ERC2: variants seen among roughly 807,000 people sequenced by gnomAD.
ERC2 encodes ERC protein 2.
A neutral mutation model predicts 114.8 loss-of-function variants in ERC2; 42 were observed. That is an observed-to-expected ratio of 0.37 (90% CI 0.29 to 0.47). The LOEUF is 0.47. Ranked by LOEUF, ERC2 falls within the 20% of genes least tolerant of loss-of-function variation. The pLI is 0.99. For synonymous variants in ERC2, 454 were observed against 425.5 expected (o/e 1.07, Z -0.82); for missense variants, 939 against 1,150.7 (o/e 0.82, Z 2.66).
chr3:56,318,546 G>T (rs1051811262), intron 2 of ERC2, among the ~76,000 whole-genome samples: 1 of 150,656 alleles, frequency 6.6e-6, no homozygotes, highest in South Asian at 2.1e-4. Flanking sequence ...CTGATAAGGG[G>T]TTAATATCAA....
chr3:56,404,020 G>C (rs1050063002), intron 2 of ERC2, among the ~76,000 whole-genome samples: 1 of 152,342 alleles, frequency 6.6e-6, no homozygotes, highest in Non-Finnish European at 1.5e-5. Context: ...TAATAAACTT[G>C]TGATCAGCAG....
At chr3:55,996,685 C>A (rs2071540735) in intron 10 of ERC2, among the ~76,000 whole-genome samples, 1 of 152,148 alleles carries the variant, frequency 6.6e-6, no homozygotes, top group Non-Finnish European at 1.5e-5. Context: ...TCTGGAGTCT[C>A]ACTGATGTGG....
chr3:56,194,720 G>A (rs897036227), intron 3 of ERC2, among the ~76,000 whole-genome samples: 2 of 152,100 alleles, frequency 1.3e-5, no homozygotes, highest in Non-Finnish European at 2.9e-5. Context: ...TAGGGGATAG[G>A]AATTTTTCAG....
At chr3:55,881,628 T>C (rs1270127333) in intron 14 of ERC2, among the ~76,000 whole-genome samples, 1 of 152,174 alleles carries the variant, frequency 6.6e-6, no homozygotes, top group Non-Finnish European at 1.5e-5. Flanking sequence ...TTTTAAGTAC[T>C]GTATCTCATG....
intron 7 of ERC2, among the ~76,000 whole-genome samples, chr3:56,031,688 TCATAA>T (rs2074388613): frequency 6.6e-6 from 1 of 152,084 alleles, no homozygotes; most frequent in East Asian, 1.9e-4. Context: ...GGCAAACAAT[TCATAA>T]CAATCATCTT....
chr3:56,092,687 A>G (rs1385262236), intron 6 of ERC2, among the ~76,000 whole-genome samples: 3 of 152,222 alleles, frequency 2.0e-5, no homozygotes, highest in Non-Finnish European at 4.4e-5. Context: ...ACATGATGAT[A>G]GTTATAAATT....
chr3:55,749,262 G>A (rs767072351), intron 14 of ERC2, among the ~76,000 whole-genome samples: 3 of 152,148 alleles, frequency 2.0e-5, no homozygotes, highest in African/African-American at 4.8e-5. Context: ...CTGCAATACC[G>A]ATCTGTTGAA....
chr3:55,859,858 G>C (rs1409095844), intron 14 of ERC2, among the ~76,000 whole-genome samples: 1 of 151,946 alleles, frequency 6.6e-6, no homozygotes, highest in Non-Finnish European at 1.5e-5. Flanking sequence ...GACAAACCAG[G>C]GGGATGACAC....
chr3:55,714,671 A>ATG (rs2063992515), intron 15 of ERC2, among the ~76,000 whole-genome samples: 2 of 5,830 alleles, frequency 3.4e-4, no homozygotes, highest in Non-Finnish European at 6.8e-4. Context: ...GTGTGTGTAT[A>ATG]TATATATATA....
rs75908216 is a variant in ERC2 at position 56,168,038 on chromosome 3, G to A, written c.1149+5408C>T. Among the ~76,000 whole-genome samples the A allele has an allele frequency of 1.7e-4, 26 of 152,218 alleles. No individual in the cohort carries two copies. In the East Asian group the frequency reaches 5.0e-3, roughly 29 times the overall value. On this transcript the variant is annotated intron_variant, in intron 4 of 17. Transcript: ENST00000288221. ...CAAAGTAAATGTTGAAAGAAAAAAC[G>A]TTTGAACCTTTGGGCTATCTTTAGA... is the stretch of plus-strand genomic sequence containing the variant.
chr3:55,825,220 G>A (rs1042058956), intron 14 of ERC2, among the ~76,000 whole-genome samples: 2 of 152,174 alleles, frequency 1.3e-5, no homozygotes, highest in African/African-American at 4.8e-5. Context: ...TCCAGGCTGA[G>A]GAAGAGCAGT....
intron 2 of ERC2, among the ~76,000 whole-genome samples, chr3:56,405,141 A>C (rs1483597652): frequency 6.6e-6 from 1 of 152,144 alleles, no homozygotes; most frequent in Non-Finnish European, 1.5e-5. Context: ...TTGATGATGA[A>C]AAGAAAAAAG....
At chr3:55,777,282 C>T (rs1436601402) in intron 14 of ERC2, among the ~76,000 whole-genome samples, 1 of 142,134 alleles carries the variant, frequency 7.0e-6, no homozygotes, top group Non-Finnish European at 1.5e-5. Context: ...TAACAACCTG[C>T]AGAAAGCAGA....
At chr3:55,810,092 A>AT (rs1452362405) in intron 14 of ERC2, among the ~76,000 whole-genome samples, 4 of 152,326 alleles carry the variant, frequency 2.6e-5, no homozygotes, top group African/African-American at 7.2e-5. Flanking sequence ...ACTACTGTAC[A>AT]TTTTAAAAAT....
intron 17 of ERC2, among the ~76,000 whole-genome samples, chr3:55,587,373 T>C (rs556537400): frequency 1.3e-5 from 2 of 152,370 alleles, no homozygotes; most frequent in East Asian, 3.9e-4. Context: ...TCCAACATTA[T>C]GTTTTTGCAA....
At chr3:56,091,082 T>C (rs747947088) in intron 6 of ERC2, among the ~76,000 whole-genome samples, 3 of 152,044 alleles carry the variant, frequency 2.0e-5, no homozygotes, top group African/African-American at 7.2e-5. Flanking sequence ...ACTTTTTCTT[T>C]AAAATTCGCT....
chr3:55,954,865 A>C (rs1160587057), intron 12 of ERC2, among the ~76,000 whole-genome samples: 1 of 151,796 alleles, frequency 6.6e-6, no homozygotes, highest in Non-Finnish European at 1.5e-5. Flanking sequence ...TATATAAATA[A>C]TATATAAACA....
intron 13 of ERC2, among the ~76,000 whole-genome samples, chr3:55,900,620 G>C (rs1165299454): frequency 6.6e-6 from 1 of 152,174 alleles, no homozygotes; most frequent in Non-Finnish European, 1.5e-5. Context: ...CTCCAAGCCT[G>C]ATACCTCAGG....
intron 2 of ERC2, among the ~76,000 whole-genome samples, chr3:56,311,275 A>C (rs561290546): frequency 1.6e-5 from 2 of 121,712 alleles, no homozygotes; most frequent in East Asian, 2.2e-4. Context: ...ATATATATAT[A>C]TATATATATA....
Sources: allele counts gnomAD v4.1 joint callset (sites outside exome capture counted in the v4.1 genomes callset), GRCh38; gene constraint gnomAD v4.1.1; transcripts MANE v1.5; gene names NCBI Gene and HGNC (gene_info 2026-07-23, HGNC 2026-07-21).